OPCML: variants seen among roughly 807,000 people sequenced by gnomAD.
The protein encoded by OPCML is opioid-binding protein/cell adhesion molecule.
A neutral mutation model predicts 37.8 loss-of-function variants in OPCML; 13 were observed. That is an observed-to-expected ratio of 0.34 (90% CI 0.22 to 0.55). The LOEUF (loss-of-function observed/expected upper bound fraction) is 0.55. Among genes scored for constraint, OPCML ranks in the 20% least tolerant of loss-of-function variants. The pLI, the probability that OPCML is intolerant of heterozygous loss-of-function variation, is 0.91. For missense variants in OPCML, 341 were observed against 435.6 expected, an observed-to-expected ratio of 0.78 and a Z score of 1.93; for synonymous variants, 176 against 168.8, an observed-to-expected ratio of 1.04 and a Z score of -0.33.
chr11:132,987,071 C>T (rs2136806970), intron 1 of OPCML, among the ~76,000 whole-genome samples: 2 of 152,258 alleles, frequency 1.3e-5, no homozygotes, highest in East Asian at 3.9e-4. Context: ...CATCCACGCT[C>T]TCCCTCTTCA....
At chr11:133,010,167 G>A (rs1481442920) in intron 1 of OPCML, among the ~76,000 whole-genome samples, 1 of 152,140 alleles carries the variant, frequency 6.6e-6, no homozygotes, top group Admixed American at 6.5e-5. Context: ...CCTCCACTTG[G>A]GAGTTGGCTT....
intron 1 of OPCML, among the ~76,000 whole-genome samples, chr11:133,473,611 C>T (rs141183622): frequency 3.9e-5 from 6 of 152,072 alleles, no homozygotes; most frequent in African/African-American, 1.4e-4. Flanking sequence ...GAGAGGGGAG[C>T]CGTCTTGAGA....
intron 1 of OPCML, among the ~76,000 whole-genome samples, chr11:133,460,957 C>A (rs1946844806): frequency 6.6e-6 from 1 of 151,672 alleles, no homozygotes; most frequent in South Asian, 2.1e-4. Flanking sequence ...TAATAAATCA[C>A]AATTCATGGA....
chr11:133,216,725 C>T (rs1939598885), intron 1 of OPCML, among the ~76,000 whole-genome samples: 1 of 152,154 alleles, frequency 6.6e-6, no homozygotes, highest in African/African-American at 2.4e-5. Context: ...TATCTAAATG[C>T]AAAGACTATG....
chr11:132,635,029 G>C (rs1019982086), intron 3 of OPCML, among the ~76,000 whole-genome samples: 3 of 152,044 alleles, frequency 2.0e-5, no homozygotes, highest in Non-Finnish European at 4.4e-5. Flanking sequence ...TTTAAGATTT[G>C]TGCAATTGTG....
At chr11:132,589,576 G>A (rs530215037) in intron 3 of OPCML, among the ~76,000 whole-genome samples, 1 of 152,310 alleles carries the variant, frequency 6.6e-6, no homozygotes, top group African/African-American at 2.4e-5. Context: ...TTTTGGACTA[G>A]GTGATCAGAG....
chr11:132,934,647 T>C (rs1190815657), intron 2 of OPCML, among the ~76,000 whole-genome samples: 1 of 152,198 alleles, frequency 6.6e-6, no homozygotes, highest in East Asian at 1.9e-4. Context: ...TTCTCACAGG[T>C]ACACACTGTC....
At chr11:132,589,025 G>C (rs1332449951) in intron 3 of OPCML, among the ~76,000 whole-genome samples, 1 of 152,120 alleles carries the variant, frequency 6.6e-6, no homozygotes, top group African/African-American at 2.4e-5. Flanking sequence ...TTATTAGCAC[G>C]ATATAGCCTA....
At chr11:132,433,570 G>A (rs1007292827) in intron 7 of OPCML, among the ~76,000 whole-genome samples, 15 of 152,188 alleles carry the variant, frequency 9.9e-5, no homozygotes, top group Non-Finnish European at 2.2e-4. Flanking sequence ...ATGTCTGCCT[G>A]TGCTATGGGC....
At position 133,463,188 on chromosome 11, in the gene OPCML, ATAG is replaced by A. The variant is rs1408409987; in HGVS notation, c.61+69073_61+69075del. Among the ~76,000 whole-genome samples the A allele has an allele frequency of 6.6e-5, 10 of 151,334 alleles. No individual in the cohort carries two copies. In the South Asian group the frequency reaches 1.9e-3, roughly 28 times the overall value. On this transcript the variant is annotated intron_variant, in intron 1 of 7. Transcript: ENST00000524381. The stretch of plus-strand genomic sequence containing the variant: ...TACAGTTAAAAAAACAAAAAAAAAA[ATAG>A]AAAGAAAATAAATGAAGAGGTAAAA...
intron 1 of OPCML, among the ~76,000 whole-genome samples, chr11:133,356,151 T>G (rs560917766): frequency 7.1e-4 from 108 of 152,334 alleles, no homozygotes; most frequent in African/African-American, 2.3e-3. Context: ...TAAAAATATT[T>G]TATAGCATGA....
intron 2 of OPCML, among the ~76,000 whole-genome samples, chr11:132,669,248 C>T (rs1379157675): frequency 6.6e-6 from 1 of 151,704 alleles, no homozygotes; most frequent in East Asian, 2.0e-4. Context: ...TTGAGGCATT[C>T]CTGAAGTCAG....
intron 7 of OPCML, among the ~76,000 whole-genome samples, chr11:132,422,891 T>A (rs2095964795): frequency 6.6e-6 from 1 of 152,232 alleles, no homozygotes; most frequent in Non-Finnish European, 1.5e-5. Context: ...GGACTGGGAA[T>A]GCAGTGTCTC....
chr11:133,421,597 A>G, intron 1 of OPCML: 1 of 985,402 alleles, frequency 1.0e-6, no homozygotes, highest in South Asian at 4.7e-5. Flanking sequence ...GGGAGTTTCA[A>G]CCTCTATAAC....
At chr11:133,387,371 G>A (rs1018635556) in intron 1 of OPCML, among the ~76,000 whole-genome samples, 3 of 152,166 alleles carry the variant, frequency 2.0e-5, no homozygotes, top group Admixed American at 6.5e-5. Context: ...AGCCACCGGC[G>A]GGGTGTTACA....
chr11:133,173,818 C>G lies in OPCML; in HGVS notation c.62-230808G>C, dbSNP rs999063861. ...CAGCTTCCATAGCAATACGACAGAG[C>G]CTAAAGATGCAGGCCTTGAGTTTAT... On this transcript the variant is annotated intron_variant, in intron 1 of 7. Coordinates refer to ENST00000524381, the MANE Select transcript of OPCML (RefSeq NM_001012393.5). The surrounding 1 kb of genome is among the most constrained non-coding windows in gnomAD (Gnocchi z 7.8). 1.3e-5 allele frequency among the ~76,000 whole-genome samples: 2 copies of G among 152,112 alleles called. No homozygotes were observed. Among genetic ancestry groups the G allele is most frequent in the African/African-American group, 2.4e-5 (1 of 41,412 alleles).
chr11:132,471,939 T>C (rs1054637082), intron 4 of OPCML, among the ~76,000 whole-genome samples: 1 of 152,154 alleles, frequency 6.6e-6, no homozygotes, highest in Non-Finnish European at 1.5e-5. Context: ...CACCCTCTTT[T>C]CCTTGTCTGA....
chr11:132,868,443 G>A (rs1225114948), intron 2 of OPCML, among the ~76,000 whole-genome samples: 3 of 151,916 alleles, frequency 2.0e-5, no homozygotes, highest in Non-Finnish European at 2.9e-5. Flanking sequence ...TAGGCGCCAC[G>A]TTGTTTTTAG....
chr11:133,494,012 C>T (rs925402577), intron 1 of OPCML, among the ~76,000 whole-genome samples: 1 of 139,422 alleles, frequency 7.2e-6, no homozygotes, highest in African/African-American at 2.5e-5. Context: ...AACAAATTTA[C>T]AAAAAAAAAA....
Sources: allele counts gnomAD v4.1 joint callset (sites outside exome capture counted in the v4.1 genomes callset), GRCh38; gene constraint gnomAD v4.1.1; non-coding constraint Gnocchi (gnomAD v3.1); transcripts MANE v1.5; gene names NCBI Gene and HGNC (gene_info 2026-07-23, HGNC 2026-07-21).